FUT9: variants seen among roughly 807,000 people sequenced by gnomAD.
The protein encoded by FUT9 is 4-galactosyl-N-acetylglucosaminide 3-alpha-L-fucosyltransferase 9.
In FUT9, 15 loss-of-function variants were observed where a neutral mutation model predicts 29.7. The observed-to-expected ratio is 0.51, with a 90% CI of 0.34 to 0.78. The LOEUF (loss-of-function observed/expected upper bound fraction) is 0.78, where lower values mean the gene tolerates loss of function less well. Among genes scored for constraint, FUT9 ranks in the 30% least tolerant of loss-of-function variants. FUT9 has a pLI of 0.01. For synonymous variants in FUT9, 169 were observed against 153.7 expected, an observed-to-expected ratio of 1.10 and a Z score of -0.74; for missense variants, 319 against 425.4, an observed-to-expected ratio of 0.75 and a Z score of 2.20.
intron 1 of FUT9, among the ~76,000 whole-genome samples, chr6:96,088,344 T>C (rs1210647044): frequency 6.6e-6 from 1 of 152,130 alleles, no homozygotes; most frequent in Non-Finnish European, 1.5e-5. Context: ...CTAATGCTTC[T>C]TGTGCTTGGA....
chr6:96,072,111 G>A (rs1448977209), intron 1 of FUT9, among the ~76,000 whole-genome samples: 1 of 152,052 alleles, frequency 6.6e-6, no homozygotes, highest in South Asian at 2.1e-4. Flanking sequence ...AAAGAAATAG[G>A]TTCTATTATA....
At chr6:96,045,900 T>C (rs978455466) in intron 1 of FUT9, among the ~76,000 whole-genome samples, 4 of 152,360 alleles carry the variant, frequency 2.6e-5, no homozygotes, top group Middle Eastern at 6.8e-3. Context: ...GGAGGACAGC[T>C]AGTTGAACCT....
chr6:96,114,660 TA>T (rs1475670408), intron 2 of FUT9, among the ~76,000 whole-genome samples: 3 of 151,614 alleles, frequency 2.0e-5, no homozygotes, highest in African/African-American at 4.8e-5. Context: ...ATAAGTTAAA[TA>T]AAAAAAGAAA....
At chr6:96,063,588 T>G (rs1441235690) in intron 1 of FUT9, among the ~76,000 whole-genome samples, 1 of 152,124 alleles carries the variant, frequency 6.6e-6, no homozygotes, top group Non-Finnish European at 1.5e-5. Context: ...AACATGAGAT[T>G]TAGGCACAGA....
At chr6:96,171,564 T>C (rs1244340561) in intron 2 of FUT9, among the ~76,000 whole-genome samples, 2 of 152,218 alleles carry the variant, frequency 1.3e-5, no homozygotes, top group African/African-American at 4.8e-5. Context: ...CCTCCACTTA[T>C]GGCTCACAAA....
intron 1 of FUT9, among the ~76,000 whole-genome samples, chr6:96,106,492 C>T (rs1015374902): frequency 1.3e-5 from 2 of 152,042 alleles, no homozygotes; most frequent in Non-Finnish European, 2.9e-5. Context: ...ATCCCAGTTC[C>T]AAGAGGCATG....
intron 1 of FUT9, among the ~76,000 whole-genome samples, chr6:96,024,218 TC>T (rs1770123249): frequency 6.6e-6 from 1 of 151,836 alleles, no homozygotes; most frequent in Non-Finnish European, 1.5e-5. Flanking sequence ...AAAGTCTGAT[TC>T]CCTTATTTTC....
intron 2 of FUT9, among the ~76,000 whole-genome samples, chr6:96,160,610 A>C (rs1772879314): frequency 6.6e-6 from 1 of 152,150 alleles, no homozygotes; most frequent in Non-Finnish European, 1.5e-5. Flanking sequence ...AGATTCATTA[A>C]ATTGTTCCAA....
chr6:96,199,036 A>G (rs1403090354), intron 2 of FUT9, among the ~76,000 whole-genome samples: 1 of 152,160 alleles, frequency 6.6e-6, no homozygotes, highest in Non-Finnish European at 1.5e-5. Flanking sequence ...TTTAACCCAG[A>G]TTCTGTTATT....
At chr6:96,031,953 A>G (rs1015519293) in intron 1 of FUT9, among the ~76,000 whole-genome samples, 5 of 151,660 alleles carry the variant, frequency 3.3e-5, no homozygotes, top group East Asian at 3.9e-4. Context: ...TCTGTAGCCA[A>G]TGTGGCCTAT....
At chr6:96,059,930 TG>T (rs1245048041) in intron 1 of FUT9, among the ~76,000 whole-genome samples, 1 of 152,232 alleles carries the variant, frequency 6.6e-6, no homozygotes, top group Admixed American at 6.5e-5. Context: ...ATTTTCTGAA[TG>T]GTATTTCAGT....
intron 2 of FUT9, among the ~76,000 whole-genome samples, chr6:96,142,396 G>A (rs1232414514): frequency 2.6e-5 from 4 of 152,204 alleles, no homozygotes; most frequent in African/African-American, 4.8e-5. Context: ...CTATGTCAGT[G>A]TCAGATCTAA....
At chr6:96,134,010 C>G (rs533183184) in intron 2 of FUT9, among the ~76,000 whole-genome samples, 2 of 150,634 alleles carry the variant, frequency 1.3e-5, no homozygotes, top group South Asian at 4.2e-4. Context: ...TTTTTGACTC[C>G]TAAGTATAGA....
chr6:96,188,632 A>AAT (rs56357784), intron 2 of FUT9, among the ~76,000 whole-genome samples: 133,302 of 148,960 alleles, frequency 0.89, 60,992 homozygotes, highest in East Asian at 0.99. Flanking sequence ...TATAGAAAGA[A>AAT]ATATATATAT....
intron 2 of FUT9, among the ~76,000 whole-genome samples, chr6:96,160,615 T>C (rs1336873700): frequency 6.6e-6 from 1 of 152,164 alleles, no homozygotes; most frequent in East Asian, 1.9e-4. Flanking sequence ...CATTAAATTG[T>C]TCCAAATAAG....
chr6:96,157,887 A>G (rs1280914786), intron 2 of FUT9, among the ~76,000 whole-genome samples: 2 of 152,140 alleles, frequency 1.3e-5, no homozygotes, highest in African/African-American at 4.8e-5. Context: ...TTTTGCTTAA[A>G]GATATGATGC....
At chr6:96,126,241 C>T (rs1446835497) in intron 2 of FUT9, among the ~76,000 whole-genome samples, 2 of 152,154 alleles carry the variant, frequency 1.3e-5, no homozygotes, top group Non-Finnish European at 2.9e-5. Flanking sequence ...CCAGTATCTG[C>T]TCAGCTTCTG....
intron 1 of FUT9, among the ~76,000 whole-genome samples, chr6:96,076,391 T>C (rs927652413): frequency 3.9e-5 from 6 of 152,218 alleles, no homozygotes; most frequent in Non-Finnish European, 5.9e-5. Flanking sequence ...CAAGTGGCTA[T>C]TGAATTAATT....
intron 2 of FUT9, among the ~76,000 whole-genome samples, chr6:96,167,474 C>T (rs138231004): frequency 2.0e-5 from 3 of 152,234 alleles, no homozygotes; most frequent in Middle Eastern, 3.4e-3. Flanking sequence ...ATCATTTACA[C>T]GTACCAGGCA....
Sources: gnomAD v4.1 joint callset for allele counts (sites outside exome capture counted in the v4.1 genomes callset) on GRCh38, gnomAD v4.1.1 for gene constraint, MANE v1.5 for transcripts, NCBI Gene and HGNC (gene_info 2026-07-23, HGNC 2026-07-21) for gene names.